PSMC6: variants seen among roughly 807,000 people sequenced by gnomAD.
The protein encoded by PSMC6 is 26S proteasome regulatory subunit 10B.
A neutral mutation model predicts 55.9 loss-of-function variants in PSMC6; 3 were observed. The ratio of observed to expected loss-of-function variants is 0.05; its 90% CI spans 0.02 to 0.14. The LOEUF (loss-of-function observed/expected upper bound fraction) is 0.14, where lower values mean the gene tolerates loss of function less well. Ranked by LOEUF, PSMC6 falls within the 10% of genes least tolerant of loss-of-function variation. PSMC6 has a pLI of 1.00. For synonymous variants in PSMC6, 137 were observed against 155.9 expected, an observed-to-expected ratio of 0.88 and a Z score of 0.90; for missense variants, 210 against 478.7, an observed-to-expected ratio of 0.44 and a Z score of 5.24.
intron 4 of PSMC6, 165 bp downstream of exon 4, chr14:52,708,981 T>G: frequency 1.0e-6 from 1 of 993,876 alleles, no homozygotes; most frequent in Non-Finnish European, 1.4e-6. Context: ...ATTCAAACCA[T>G]GGGCTTTGAC....
In PSMC6 at chr14:52,728,461, G is replaced by A. The variant is rs906504888; in HGVS notation, c.*844G>A. ...CCAAGCTCATCCAAGGACTCTTTAG[G>A]TATGTATGGATACCTGGCTAAGAGT... is the stretch of plus-strand genomic sequence containing the variant. On this transcript the variant is annotated 3_prime_UTR_variant, in exon 14 of 14. Coordinates refer to ENST00000445930, the MANE Select transcript of PSMC6 (RefSeq NM_002806.5). 2 of 152,138 alleles carry A rather than the reference G, an allele frequency of 1.3e-5. No individual in the cohort carries two copies. Among genetic ancestry groups the A allele is most frequent in the African/African-American group, 4.8e-5 (2 of 41,426 alleles). 9.4% of individuals were successfully genotyped at this position (152,138 alleles called of 1,614,324 possible).
At chr14:52,707,663 C>A in intron 1 of PSMC6, 1 of 255,000 alleles carries the variant, frequency 3.9e-6, no homozygotes, top group South Asian at 4.2e-5. Context: ...CAAGTAAGCT[C>A]AAACAAGAGA....
chr14:52,715,673 G>A (rs907172843), intron 7 of PSMC6, among the ~76,000 whole-genome samples: 1 of 150,438 alleles, frequency 6.6e-6, no homozygotes, highest in African/African-American at 2.5e-5. Flanking sequence ...GAGTGCAGTG[G>A]CGTGATCATC....
rs571396976 is a variant in PSMC6 at position 52,713,223 on chromosome 14, C to CA, written c.442-649dup. ...CCAGCCTGGGCAACAGACTCTGTCT[C>CA]AAAAAAAAAGAAATTTCTCTCTTAA... On this transcript the variant is annotated intron_variant, in intron 6 of 13. Coordinates refer to ENST00000445930, the MANE Select transcript of PSMC6 (RefSeq NM_002806.5). Among the ~76,000 whole-genome samples the CA allele has an allele frequency of 3.0e-3, 456 of 150,040 alleles. 2 individuals carry two copies. Among genetic ancestry groups the CA allele is most frequent in the African/African-American group, 0.01 (425 of 40,974 alleles).
intron 6 of PSMC6, 69 bp from the exon 7 acceptor site, chr14:52,713,812 C>G: frequency 1.0e-6 from 1 of 1,002,518 alleles, no homozygotes; most frequent in Non-Finnish European, 1.5e-6. Context: ...TGATATTTGA[C>G]TTAGAGTATT....
chr14:52,718,188 G>A (rs752927237), intron 8 of PSMC6, 41 bp from the exon 9 acceptor site: 1 of 1,608,926 alleles, frequency 6.2e-7, no homozygotes, highest in South Asian at 1.1e-5. Context: ...AATTTTACTT[G>A]AATTATCTTA....
chr14:52,712,720 T>G (rs1594848660), intron 6 of PSMC6, among the ~76,000 whole-genome samples: 1 of 151,968 alleles, frequency 6.6e-6, no homozygotes, highest in South Asian at 2.1e-4. Flanking sequence ...CCTCCCAGGC[T>G]GAAGTCATCC....
intron 12 of PSMC6, chr14:52,721,894 T>G (rs1880197868): frequency 6.6e-6 from 1 of 152,570 alleles, no homozygotes; most frequent in Non-Finnish European, 1.5e-5. Context: ...GCCTCCTGAT[T>G]AGCTGGGACT....
chr14:52,727,187 AT>A (rs1244513996), intron 13 of PSMC6, among the ~76,000 whole-genome samples: 438 of 138,984 alleles, frequency 3.2e-3, no homozygotes, highest in Middle Eastern at 7.4e-3. Flanking sequence ...TGCCCAGCTA[AT>A]TTTTTTTTTT....
intron 6 of PSMC6, among the ~76,000 whole-genome samples, chr14:52,712,712 T>G (rs1419470486): frequency 6.6e-6 from 1 of 151,918 alleles, no homozygotes; most frequent in Non-Finnish European, 1.5e-5. Context: ...AACCTCTACC[T>G]CCCAGGCTGA....
intron 12 of PSMC6, 150 bp from the exon 13 acceptor site, chr14:52,723,815 T>A: frequency 7.1e-7 from 1 of 1,414,086 alleles, no homozygotes; most frequent in South Asian, 1.6e-5. Context: ...AAGTCTTAGT[T>A]TTTGGATATT....
At chr14:52,707,506 T>A (rs2041715909) in intron 1 of PSMC6, 1 of 619,490 alleles carries the variant, frequency 1.6e-6, no homozygotes, top group Admixed American at 3.2e-5. Context: ...CCAGCCCGGG[T>A]GACAGAACAT....
In PSMC6 at chr14:52,711,086, G is replaced by GT. The variant is rs768457410; in HGVS notation, c.259-11dup. The GT allele has an allele frequency of 6.3e-7, 1 of 1,584,718 alleles. No homozygotes were observed. Among genetic ancestry groups the GT allele is most frequent in the South Asian group, 1.1e-5 (1 of 90,166 alleles). On this transcript the variant is annotated splice_polypyrimidine_tract_variant and intron_variant, in intron 4 of 13. Transcript: ENST00000445930. Reference sequence around the variant, plus strand: ...TTTAAGTGTTGATGTAATATCTTTTGTTTTACAAAACTAGCTTGACAAAAG... The same window carrying GT: ...TTTAAGTGTTGATGTAATATCTTTTGTTTTTACAAAACTAGCTTGACAAAAG...
chr14:52,720,681 G>A (rs1421371857), intron 10 of PSMC6, among the ~76,000 whole-genome samples, 180 bp from the exon 11 acceptor site: 2 of 152,046 alleles, frequency 1.3e-5, no homozygotes, highest in African/African-American at 4.8e-5. Flanking sequence ...GAACTTTGAG[G>A]CTAGAAAGTA....
At chr14:52,723,850 T>C in intron 12 of PSMC6, 115 bp from the exon 13 acceptor site, 1 of 1,482,218 alleles carries the variant, frequency 6.7e-7, no homozygotes, top group Non-Finnish European at 8.9e-7. Context: ...TTAACAGAGC[T>C]GATGTCTAGC....
intron 12 of PSMC6, 133 bp downstream of exon 12, chr14:52,721,323 T>A: frequency 1.4e-6 from 1 of 728,960 alleles, no homozygotes; most frequent in Non-Finnish European, 2.2e-6. Flanking sequence ...AGCAAATAGT[T>A]ATTGAGCATC....
At chr14:52,721,959 A>G (rs1047188513) in intron 12 of PSMC6, 1 of 152,370 alleles carries the variant, frequency 6.6e-6, no homozygotes, top group African/African-American at 2.4e-5. Context: ...GGGTTTCACC[A>G]TGTTGCCCAG....
chr14:52,720,495 A>T lies in PSMC6; in HGVS notation c.778-366A>T, dbSNP rs532498651. Among the ~76,000 whole-genome samples, 46 of 150,684 alleles carry T rather than the reference A, an allele frequency of 3.1e-4. 2 individuals are homozygous for T. The South Asian group carries it at 9.7e-3, about 32-fold the overall frequency. On this transcript the variant is annotated intron_variant, in intron 10 of 13. Coordinates refer to ENST00000445930, the MANE Select transcript of PSMC6 (RefSeq NM_002806.5). ...ATATCATAAGCACTTTATATATTGG[A>T]TTTTATTATTAGCTTTTCCTTTAAA...
intron 6 of PSMC6, among the ~76,000 whole-genome samples, chr14:52,712,897 C>T (rs370150809): frequency 2.6e-5 from 4 of 152,178 alleles, no homozygotes; most frequent in African/African-American, 4.8e-5. Flanking sequence ...GATTTACAGG[C>T]GTGAGCCACC....
Sources: allele counts gnomAD v4.1 joint callset (sites outside exome capture counted in the v4.1 genomes callset), GRCh38; gene constraint gnomAD v4.1.1; transcripts MANE v1.5; gene names NCBI Gene and HGNC (gene_info 2026-07-23, HGNC 2026-07-21).